Variants in MRPL55 observed in about 807,000 individuals in gnomAD.
MRPL55 encodes large ribosomal subunit protein mL55.
A neutral mutation model predicts 10.6 loss-of-function variants in MRPL55; 7 were observed. The ratio of observed to expected loss-of-function variants is 0.66; its 90% confidence interval spans 0.38 to 1.24. The LOEUF is 1.24. Among genes scored for constraint, MRPL55 ranks in the 50% most tolerant of loss-of-function variants. MRPL55 has a pLI of 0.02. For synonymous variants in MRPL55, 57 were observed against 71.8 expected (o/e 0.79, Z 1.04); for missense variants, 148 against 180.3 (o/e 0.82, Z 1.03).
In MRPL55 at chr1:228,107,829, G is replaced by A. The variant is rs763581703; in HGVS notation, c.67C>T (p.Leu23Phe). The change falls in exon 4 of 5, where the codon CTC (leucine) becomes TTC (phenylalanine). Residue 23 changes from leucine (L) to phenylalanine (F), a missense_variant. Coordinates refer to ENST00000336520, the MANE Select transcript of MRPL55 (RefSeq NM_181463.3). ...QSTVKATGPA[L>F]RRLHTSSWRA... Reference sequence around the variant, plus strand: ...CAGGAGGATGTGTGCAGGCGGCGGAGTGCAGGTCCGGTGGCCTTCACGGTG... The same window carrying A: ...CAGGAGGATGTGTGCAGGCGGCGGAATGCAGGTCCGGTGGCCTTCACGGTG... The A allele has an allele frequency of 8.1e-6, 13 of 1,613,076 alleles. No individual in the cohort carries two copies. The African/African-American group carries it at 1.7e-4, about 22-fold the overall frequency.
At chr1:228,108,030 C>A in intron 3 of MRPL55, 161 bp from the exon 4 acceptor site, 1 of 1,544,580 alleles carries the variant, frequency 6.5e-7, no homozygotes, top group Non-Finnish European at 8.8e-7. Flanking sequence ...TCCTCAGGAG[C>A]CACAGGCTGT....
chr1:228,107,953 C>G (rs2033354494), intron 3 of MRPL55, 84 bp from the exon 4 acceptor site: 1 of 1,571,030 alleles, frequency 6.4e-7, no homozygotes, highest in African/African-American at 1.4e-5. Context: ...TGATTGGGCA[C>G]TGCCGGGCCA....
rs113602555 is a variant in MRPL55, at chr1:228,106,728, T to C, written c.*32A>G. On this transcript the variant is annotated 3_prime_UTR_variant, in exon 5 of 5. Transcript: ENST00000336520. ...GTGATTTAAGAACAGCCCTCCCATC[T>C]TAGCAATGTCCCGGGGTGGCTGGAG... 2.0e-5 allele frequency: 32 copies of C among 1,590,324 alleles called. 2 individuals are homozygous for C. The African/African-American group carries it at 3.6e-4, about 18-fold the overall frequency.
At position 228,107,850 on chromosome 1, in the gene MRPL55, C is replaced by G. The variant is rs765615382; in HGVS notation, c.46G>C (p.Val16Leu). Residue 16 changes from valine to leucine, a missense_variant, in exon 4 of 5, where the codon GTG (valine) becomes CTG (leucine). By Grantham distance (32) the Val-to-Leu change is conservative. Transcript: ENST00000336520. ...CGGAGTGCAGGTCCGGTGGCCTTCA[C>G]GGTGCTCTGCCTCAGCCGGCTGCAG... is the stretch of plus-strand genomic sequence containing the variant. ...SLLGRLRQST[V>L]KATGPALRRL... 1.2e-6 allele frequency: 2 copies of G among 1,613,030 alleles called. No individual in the cohort carries two copies. Among genetic ancestry groups the G allele is most frequent in the East Asian group, 4.5e-5 (2 of 44,876 alleles).
rs548362814 is a variant in MRPL55, at chr1:228,108,103, C to T, written c.26+132G>A. On this transcript the variant is annotated intron_variant, in intron 3 of 4. Transcript: ENST00000336520. ...TGCCAGGCTGAGCAAGGGCACAAAGCTTCCAGCACAGGGGACAGTGGACAA... is the reference window on the plus strand; with the variant it reads ...TGCCAGGCTGAGCAAGGGCACAAAGTTTCCAGCACAGGGGACAGTGGACAA... 8.5e-6 allele frequency: 13 copies of T among 1,532,392 alleles called. No homozygotes were observed. In the South Asian group the frequency reaches 1.6e-4, roughly 19 times the overall value. The allele number at this position is 1,532,392 out of a possible 1,614,324, so 94.9% of individuals were successfully genotyped here.
chr1:228,107,815 G>A lies in MRPL55; in HGVS notation c.81C>T (p.His27=), dbSNP rs1425080027. The A allele has an allele frequency of 1.7e-5, 27 of 1,613,238 alleles. No homozygotes were observed. The highest frequency in any genetic ancestry group is 2.3e-5 in the Non-Finnish European group (27 of 1,180,024). ...KATGPALRRL[H]TSSWRADSSR... The stretch of plus-strand genomic sequence containing the variant: ...TGCTGTCAGCTCGCCAGGAGGATGT[G>A]TGCAGGCGGCGGAGTGCAGGTCCGG... Residue 27 remains histidine (H), a synonymous_variant, in exon 4 of 5, where the codon CAC becomes CAT. Transcript: ENST00000336520.
Position 228,108,332 on chromosome 1 carries a change from A to T in MRPL55, c.-58-14T>A. 6.8e-7 allele frequency: 1 copy of T among 1,465,894 alleles called. No homozygotes were observed. Among genetic ancestry groups the T allele is most frequent in the Non-Finnish European group, 9.3e-7 (1 of 1,076,076 alleles). 90.8% of individuals were successfully genotyped at this position (1,465,894 alleles called of 1,614,324 possible). On this transcript the variant is annotated splice_polypyrimidine_tract_variant and intron_variant, in intron 2 of 4. Coordinates refer to ENST00000336520, the MANE Select transcript of MRPL55 (RefSeq NM_181463.3). ...CTGGCGTGCAACCTGCTAGGCAGAG[A>T]ATGAAGAGATCTTTTTTAAAAGGAA...
intron 3 of MRPL55, 174 bp from the exon 4 acceptor site, chr1:228,108,043 T>G (rs1571860855): frequency 3.2e-6 from 5 of 1,544,024 alleles, no homozygotes; most frequent in Non-Finnish European, 4.4e-6. Flanking sequence ...CAGGCTGTGG[T>G]CAGAGGCGTT....
At chr1:228,107,407 G>C (rs764034116) in intron 4 of MRPL55, among the ~76,000 whole-genome samples, 3 of 152,204 alleles carry the variant, frequency 2.0e-5, no homozygotes, top group African/African-American at 7.2e-5. Flanking sequence ...CTGGTTGACA[G>C]AGCAAGACCC....
Position 228,107,761 on chromosome 1 carries a change from G to A in MRPL55, c.135C>T (p.Arg45=). ...CGGGGTAGAGTCGTGCATAAGCCTG[G>A]CGGTGCACACGAGTGAGTGAGGCCC... ...SSRASLTRVH[R]QAYARLYPVL... is the part of the protein sequence containing the mutation. Residue 45 remains arginine, a synonymous_variant, in exon 4 of 5, where the codon CGC becomes CGT. Transcript: ENST00000336520. The A allele has an allele frequency of 1.2e-6, 2 of 1,613,294 alleles. No individual in the cohort carries two copies. The highest frequency in any genetic ancestry group is 1.1e-5 in the South Asian group (1 of 91,090).
intron 3 of MRPL55, 98 bp downstream of exon 3, chr1:228,108,137 A>G: frequency 6.5e-7 from 1 of 1,541,650 alleles, no homozygotes; most frequent in African/African-American, 1.4e-5. Context: ...AATAGCAAGG[A>G]CTAGGGAGGA....
At position 228,108,123 on chromosome 1, in the gene MRPL55, GGA is replaced by G. The variant is rs2033390784; in HGVS notation, c.26+110_26+111del. 2.6e-6 allele frequency: 4 copies of G among 1,532,816 alleles called. No homozygotes were observed. In the South Asian group the frequency reaches 4.8e-5, roughly 19 times the overall value. 95.0% of individuals were successfully genotyped at this position (1,532,816 alleles called of 1,614,324 possible). A position where few individuals can be genotyped will look rare whatever the true frequency, so the allele number is the denominator to read the frequency against. ...CAAAGCTTCCAGCACAGGGGACAGT[GGA>G]CAATAGCAAGGACTAGGGAGGATTA... On this transcript the variant is annotated intron_variant, in intron 3 of 4. Transcript: ENST00000336520.
chr1:228,107,868 G>A lies in MRPL55; in HGVS notation c.28C>T (p.Arg10Trp), dbSNP rs747098495. ...GCCTTCACGGTGCTCTGCCTCAGCC[G>A]GCTGCAGATAAATGTTCAAGCTCTG... is the stretch of plus-strand genomic sequence containing the variant. MAAVGSLLGRLRQSTVKATG... is the reference protein window; with the variant it reads MAAVGSLLGWLRQSTVKATG... Residue 10 changes from arginine to tryptophan, a missense_variant and splice_region_variant, in exon 4 of 5, where the codon CGG becomes TGG. By Grantham distance (101) the Arg-to-Trp change is moderately radical. Transcript: ENST00000336520. 38 of 1,612,904 alleles carry A rather than the reference G, an allele frequency of 2.4e-5. No homozygotes were observed. The highest frequency in any genetic ancestry group is 4.5e-5 in the East Asian group (2 of 44,894).
At chr1:228,107,460 G>C (rs1388512128) in intron 4 of MRPL55, among the ~76,000 whole-genome samples, 1 of 152,154 alleles carries the variant, frequency 6.6e-6, no homozygotes, top group Non-Finnish European at 1.5e-5. Context: ...CACACTACTG[G>C]TTAGTCCTAT....
intron 1 of MRPL55, 38 bp downstream of exon 1, chr1:228,109,111 C>T (rs1316949579): frequency 1.3e-5 from 2 of 152,594 alleles, no homozygotes; most frequent in African/African-American, 2.4e-5. Flanking sequence ...GGGTACAGCG[C>T]CTCCCGCCTC....
Sources: gnomAD v4.1 joint callset for allele counts (sites outside exome capture counted in the v4.1 genomes callset) on GRCh38, gnomAD v4.1.1 for gene constraint, MANE v1.5 for transcripts, NCBI Gene and HGNC (gene_info 2026-07-23, HGNC 2026-07-21) for gene names.